ZPBP: variants seen among roughly 807,000 people sequenced by gnomAD.
ZPBP encodes zona pellucida binding protein.
ZPBP carries 26 observed loss-of-function variants against 44.8 expected under a neutral mutation model. The observed-to-expected ratio is 0.58, with a 90% confidence interval of 0.43 to 0.81. ZPBP has a LOEUF of 0.81. ZPBP is among the 30% of genes least tolerant of loss of function. The pLI is 0.00. For synonymous variants in ZPBP, 174 were observed against 153.2 expected, an observed-to-expected ratio of 1.14 and a Z score of -1.00; for missense variants, 409 against 434.0, an observed-to-expected ratio of 0.94 and a Z score of 0.51.
chr7:49,979,744 T>C (rs1796692458), intron 7 of ZPBP, among the ~76,000 whole-genome samples: 1 of 145,654 alleles, frequency 6.9e-6, no homozygotes, highest in African/African-American at 2.5e-5. Flanking sequence ...ATACATGTAA[T>C]AGCTTAACTA....
chr7:49,958,619 C>A (rs1200760918), intron 7 of ZPBP, among the ~76,000 whole-genome samples: 1 of 152,198 alleles, frequency 6.6e-6, no homozygotes, highest in Non-Finnish European at 1.5e-5. Context: ...GACTTCCCAG[C>A]TTCCAGAACT....
Position 49,869,429 on chromosome 7 carries a change from C to G in ZPBP, n.510-18915G>C, listed in dbSNP as rs77586629. 8.6e-3 allele frequency among the ~76,000 whole-genome samples: 1,312 copies of G among 152,198 alleles called. 51 individuals are homozygous for G. The highest frequency in any genetic ancestry group is 0.085 in the East Asian group (438 of 5,178). ...AAACAAAGCAACGATTTTAACAAATCAAAGCCTACACTAGGGTAGCAAATC... is the reference window on the plus strand; with the variant it reads ...AAACAAAGCAACGATTTTAACAAATGAAAGCCTACACTAGGGTAGCAAATC... On this transcript the variant is annotated intron_variant and non_coding_transcript_variant, in intron 2 of 2. Coordinates refer to the ZPBP transcript ENST00000465922.
At chr7:50,093,019 G>T in intron 1 of ZPBP, 49 bp downstream of exon 1, 1 of 1,572,730 alleles carries the variant, frequency 6.4e-7, no homozygotes, top group African/African-American at 1.4e-5. Flanking sequence ...AAGAGTGGGG[G>T]AAGCTGCGGT....
chr7:49,944,215 C>T, intron 7 of ZPBP: 2 of 357,282 alleles, frequency 5.6e-6, no homozygotes, highest in Non-Finnish European at 1.1e-5. Context: ...TGATATTTGG[C>T]TGCACTTTTG....
At chr7:49,880,869 A>C (rs1791632949) in intron 2 of ZPBP, among the ~76,000 whole-genome samples, 1 of 152,154 alleles carries the variant, frequency 6.6e-6, no homozygotes, top group East Asian at 1.9e-4. Flanking sequence ...GAATACTGTA[A>C]ATACTACTAG....
intron 1 of ZPBP, chr7:49,917,126 A>G (rs988947471): frequency 6.6e-6 from 1 of 152,180 alleles, no homozygotes; most frequent in African/African-American, 2.4e-5. Context: ...ACATAATTAA[A>G]CACCTCAGTA....
intron 2 of ZPBP, among the ~76,000 whole-genome samples, chr7:49,866,945 C>G: frequency 6.6e-6 from 1 of 152,208 alleles, no homozygotes; most frequent in Non-Finnish European, 1.5e-5. Context: ...CACACAGACC[C>G]AGAAGCCCAC....
intron 2 of ZPBP, among the ~76,000 whole-genome samples, chr7:49,895,208 G>C (rs973437091): frequency 2.0e-5 from 3 of 152,168 alleles, no homozygotes; most frequent in African/African-American, 7.2e-5. Flanking sequence ...ACAGTGGGCA[G>C]GGGAGGGATG....
At chr7:50,040,821 C>A (rs933172589) in intron 4 of ZPBP, among the ~76,000 whole-genome samples, 1 of 152,090 alleles carries the variant, frequency 6.6e-6, no homozygotes, top group African/African-American at 2.4e-5. Context: ...ATTCACTCCC[C>A]TGGAAAGGGG....
chr7:50,057,913 G>T, intron 4 of ZPBP, 76 bp downstream of exon 4: 1 of 1,372,666 alleles, frequency 7.3e-7, no homozygotes, highest in Non-Finnish European at 1.0e-6. Flanking sequence ...GTCCCTTTAA[G>T]ACAAGCCTAC....
At chr7:49,910,606 A>T (rs79236398) in intron 1 of ZPBP, among the ~76,000 whole-genome samples, 8 of 8,762 alleles carry the variant, frequency 9.1e-4, no homozygotes, top group Admixed American at 2.3e-3. Flanking sequence ...TTAATCTTTT[A>T]AAAAAAAATG....
chr7:49,856,438 C>T (rs1011974409), intron 2 of ZPBP, among the ~76,000 whole-genome samples: 1 of 152,150 alleles, frequency 6.6e-6, no homozygotes. Context: ...AAGATGTTGG[C>T]CCCATGCTTC....
intron 3 of ZPBP, among the ~76,000 whole-genome samples, chr7:50,071,455 T>C (rs1036770510): frequency 6.6e-6 from 1 of 152,054 alleles, no homozygotes; most frequent in African/African-American, 2.4e-5. Flanking sequence ...CTACAAAACA[T>C]AGGTGAGTCC....
intron 2 of ZPBP, among the ~76,000 whole-genome samples, chr7:49,895,058 G>A (rs761589749): frequency 6.6e-6 from 1 of 152,154 alleles, no homozygotes; most frequent in Non-Finnish European, 1.5e-5. Flanking sequence ...AATACCACAG[G>A]CTGGGTAATT....
intron 3 of ZPBP, among the ~76,000 whole-genome samples, chr7:50,078,703 A>G (rs986439909): frequency 1.3e-5 from 2 of 151,670 alleles, no homozygotes; most frequent in Non-Finnish European, 3.0e-5. Context: ...ACAAACAAAA[A>G]CAGACAAGTG....
intron 2 of ZPBP, among the ~76,000 whole-genome samples, chr7:49,895,552 G>A (rs778323814): frequency 1.3e-5 from 2 of 152,156 alleles, no homozygotes; most frequent in African/African-American, 4.8e-5. Flanking sequence ...CATGAGGCAA[G>A]AAAAGCATTA....
chr7:49,959,781 G>GA lies in ZPBP; in HGVS notation c.962-22160dup, dbSNP rs199770647. Among the ~76,000 whole-genome samples, 856 of 152,004 alleles carry GA rather than the reference G, an allele frequency of 5.6e-3. 4 individuals are homozygous for GA. Among genetic ancestry groups the GA allele is most frequent in the African/African-American group, 0.02 (814 of 41,490 alleles). On this transcript the variant is annotated intron_variant, in intron 7 of 7. Coordinates refer to ENST00000046087, the MANE Select transcript of ZPBP (RefSeq NM_007009.3). The stretch of plus-strand genomic sequence containing the variant: ...TGCATACAATAATTCAAAAAACAGG[G>GA]AAAAAAGCAATCTTTAAAATAAAAA...
chr7:49,877,750 G>A (rs1583736711), intron 2 of ZPBP, among the ~76,000 whole-genome samples: 1 of 150,366 alleles, frequency 6.7e-6, no homozygotes, highest in Non-Finnish European at 1.5e-5. Flanking sequence ...CTTTTCAGGT[G>A]TCAGCTGCTT....
downstream of ZPBP, among the ~76,000 whole-genome samples, chr7:49,936,596 GGAGA>G (rs995043758): frequency 6.6e-6 from 1 of 152,148 alleles, no homozygotes; most frequent in Non-Finnish European, 1.5e-5. Context: ...AGTGCATGCT[GGAGA>G]GAGAAAGCTG....
Sources: allele counts gnomAD v4.1 joint callset (sites outside exome capture counted in the v4.1 genomes callset), GRCh38; gene constraint gnomAD v4.1.1; transcripts MANE v1.5; gene names NCBI Gene and HGNC (gene_info 2026-07-23, HGNC 2026-07-21).